PDZK1IP1: variants seen among roughly 807,000 people sequenced by gnomAD.
PDZK1IP1 encodes PDZK1-interacting protein 1.
Under a neutral mutation model 14.7 loss-of-function variants are expected in PDZK1IP1, and 9 were observed. The observed-to-expected ratio is 0.61, with a 90% CI of 0.37 to 1.07. The LOEUF (loss-of-function observed/expected upper bound fraction) is 1.07. PDZK1IP1 is among the 50% of genes least tolerant of loss of function. The pLI, the probability that PDZK1IP1 is intolerant of heterozygous loss-of-function variation, is 0.01. For synonymous variants in PDZK1IP1, 70 were observed against 61.2 expected (o/e 1.14, Z -0.67); for missense variants, 152 against 148.7 (o/e 1.02, Z -0.11).
At chr1:47,185,610 T>A (rs2148572688) in intron 2 of PDZK1IP1, among the ~76,000 whole-genome samples, 1 of 152,290 alleles carries the variant, frequency 6.6e-6, no homozygotes, top group Non-Finnish European at 1.5e-5. Context: ...CCCGAACACC[T>A]GCTCATTTCC....
chr1:47,184,854 G>T, intron 3 of PDZK1IP1, 148 bp downstream of exon 3: 1 of 666,348 alleles, frequency 1.5e-6, no homozygotes, highest in Non-Finnish European at 2.7e-6. Flanking sequence ...ACAGAGCCCT[G>T]CAATCCTCAC....
chr1:47,184,570 C>A (rs1238070140), intron 3 of PDZK1IP1, among the ~76,000 whole-genome samples: 3 of 24,054 alleles, frequency 1.2e-4, no homozygotes, highest in East Asian at 1.1e-3. Context: ...TGAGTCCATA[C>A]CCCACTGAGT....
Position 47,187,267 on chromosome 1 carries a change from C to T in PDZK1IP1, c.176+52G>A. ...CTTCTCACTGCTACTAGAGCAAGAGCAGTGGTCCTGGGCCCACCCTGCCTG... is the reference window on the plus strand; with the variant it reads ...CTTCTCACTGCTACTAGAGCAAGAGTAGTGGTCCTGGGCCCACCCTGCCTG... On this transcript the variant is annotated intron_variant, in intron 2 of 3. Coordinates refer to ENST00000294338, the MANE Select transcript of PDZK1IP1 (RefSeq NM_005764.4). The T allele has an allele frequency of 3.2e-6, 4 of 1,240,824 alleles. No individual in the cohort carries two copies. In the East Asian group the frequency reaches 7.0e-5, roughly 22 times the overall value. The allele number at this position is 1,240,824 out of a possible 1,614,324, so 76.9% of individuals were successfully genotyped here.
In PDZK1IP1 at chr1:47,183,612, T is replaced by A; in HGVS notation, c.*359A>T. 4.0e-6 allele frequency: 1 copy of A among 249,922 alleles called. No individual in the cohort carries two copies. 15.5% of individuals were successfully genotyped at this position (249,922 alleles called of 1,614,324 possible). On this transcript the variant is annotated 3_prime_UTR_variant, in exon 4 of 4. Transcript: ENST00000294338. ...ACTCACTGGAAGCCTGAGGGGCTGTTGCTGAGCCTCAGCCCCAGAAATACA... is the reference window on the plus strand; with the variant it reads ...ACTCACTGGAAGCCTGAGGGGCTGTAGCTGAGCCTCAGCCCCAGAAATACA...
intron 2 of PDZK1IP1, 90 bp downstream of exon 2, chr1:47,187,229 G>T: frequency 1.2e-6 from 1 of 869,318 alleles, no homozygotes; most frequent in Non-Finnish European, 1.9e-6. Flanking sequence ...TTGGACACAG[G>T]GTTTCTGAGG....
Position 47,184,983 on chromosome 1 carries a change from G to C in PDZK1IP1, c.272+19C>G, listed in dbSNP as rs1557660769. On this transcript the variant is annotated intron_variant, in intron 3 of 3. Transcript: ENST00000294338. ...AGGCCCTGGGAGCACAGACCGGGCA[G>C]CCCTGCCCTGCACCTCACCTGAAAC... The C allele has an allele frequency of 6.3e-7, 1 of 1,593,594 alleles. No homozygotes were observed. Among genetic ancestry groups the C allele is most frequent in the Non-Finnish European group, 8.6e-7 (1 of 1,162,018 alleles).
chr1:47,184,584 T>C (rs1391983754), intron 3 of PDZK1IP1, among the ~76,000 whole-genome samples: 4 of 17,166 alleles, frequency 2.3e-4, no homozygotes, highest in South Asian at 2.5e-3. Flanking sequence ...ACTGAGTCCA[T>C]ACCCCACTGA....
intron 3 of PDZK1IP1, among the ~76,000 whole-genome samples, chr1:47,184,279 T>C (rs1645302439): frequency 1.3e-5 from 2 of 150,948 alleles, no homozygotes; most frequent in East Asian, 2.0e-4. Flanking sequence ...TGGGTCCTAC[T>C]GAGCCCATCC....
In PDZK1IP1 at chr1:47,189,878, T is replaced by G; in HGVS notation, c.55A>C (p.Ser19Arg). ...CCTCCTGAGCTACCTTGCTGACAGC[T>G]GGCAGGTGGCACTGCCGTGAGCAGG... ...LGLLTAVPPASCQQGLGNLQP... is the reference protein window; with the variant it reads ...LGLLTAVPPARCQQGLGNLQP... The change falls in exon 1 of 4, where the codon AGC becomes CGC. Residue 19 changes from serine to arginine, a missense_variant. Physicochemically the swap from Ser to Arg is moderately radical, Grantham distance 110. Coordinates refer to ENST00000294338, the MANE Select transcript of PDZK1IP1 (RefSeq NM_005764.4). 3.1e-6 allele frequency: 5 copies of G among 1,596,202 alleles called. No individual in the cohort carries two copies. Among genetic ancestry groups the G allele is most frequent in the Non-Finnish European group, 4.2e-6 (5 of 1,178,230 alleles).
chr1:47,189,450 G>T (rs936739780), intron 1 of PDZK1IP1, among the ~76,000 whole-genome samples: 1 of 152,194 alleles, frequency 6.6e-6, no homozygotes, highest in African/African-American at 2.4e-5. Context: ...GGACGAAGAG[G>T]TCAGATATTT....
rs778992931 is a variant in PDZK1IP1 at position 47,184,042 on chromosome 1, A to G, written c.274T>C (p.Ser92Pro). 53 of 1,586,206 alleles carry G rather than the reference A, an allele frequency of 3.3e-5. No homozygotes were observed. The highest frequency in any genetic ancestry group is 4.3e-5 in the Non-Finnish European group (50 of 1,164,444). ...TCATAGGCATTCTCATGCTCACTGGACCTGAAAGAAGAAGGCATGGGCCTG... is the reference window on the plus strand; with the variant it reads ...TCATAGGCATTCTCATGCTCACTGGGCCTGAAAGAAGAAGGCATGGGCCTG... ...RYSSMAASFR[S>P]SEHENAYENV... The change falls in exon 4 of 4, where the codon TCC (serine) becomes CCC (proline). Residue 92 changes from serine (S) to proline (P), a missense_variant and splice_region_variant. Coordinates refer to ENST00000294338, the MANE Select transcript of PDZK1IP1 (RefSeq NM_005764.4).
rs369863925 is a variant in PDZK1IP1, at chr1:47,189,965, G to A, written c.-33C>T. ...GCAGCTCCTAGCCTTGCTTCTGGCC[G>A]CCGGTGTCTGGGCTCCTGGAGCTGC... On this transcript the variant is annotated 5_prime_UTR_variant, in exon 1 of 4. Coordinates refer to ENST00000294338, the MANE Select transcript of PDZK1IP1 (RefSeq NM_005764.4). 46 of 1,532,796 alleles carry A rather than the reference G, an allele frequency of 3.0e-5. No homozygotes were observed. Among genetic ancestry groups the A allele is most frequent in the East Asian group, 9.2e-5 (4 of 43,364 alleles). The allele number at this position is 1,532,796 out of a possible 1,614,324, so 94.9% of individuals were successfully genotyped here. A position where few individuals can be genotyped will look rare whatever the true frequency, so the allele number is the denominator to read the frequency against.
intron 3 of PDZK1IP1, 79 bp downstream of exon 3, chr1:47,184,923 C>T: frequency 1.7e-6 from 2 of 1,183,572 alleles, no homozygotes; most frequent in East Asian, 2.3e-5. Flanking sequence ...CCCCAGCCAC[C>T]TCCCCCCAGC....
intron 2 of PDZK1IP1, among the ~76,000 whole-genome samples, chr1:47,186,852 G>A (rs940468854): frequency 2.0e-5 from 3 of 152,178 alleles, no homozygotes; most frequent in Non-Finnish European, 2.9e-5. Flanking sequence ...CTCTCCCTCA[G>A]CAGCAACTCT....
At chr1:47,187,201 TGAGCCTC>T in intron 2 of PDZK1IP1, 111 bp downstream of exon 2, 5 of 81,126 alleles carry the variant, frequency 6.2e-5, no homozygotes, top group Non-Finnish European at 1.7e-4. Context: ...TCCCTTCCCT[TGAGCCTC>T]AGGGGGAGGA....
Position 47,189,921 on chromosome 1 carries a change from GA to G in PDZK1IP1, c.11del (p.Leu4ProfsTer61). ...TGAGCAGGCCCAGAATGAGGAGGCT[GA>G]GGGCCGACATGGCTGCAGCAGCTCC... is the stretch of plus-strand genomic sequence containing the variant. MSA[L>X]SLLILGLLTA... On this transcript the variant is annotated frameshift_variant, in exon 1 of 4. Transcript: ENST00000294338. LOFTEE classifies it high-confidence loss of function. 6.3e-7 allele frequency: 1 copy of G among 1,594,612 alleles called. No homozygotes were observed.
In PDZK1IP1 at chr1:47,183,764, C is replaced by CA; in HGVS notation, c.*206dup. ...CTCTTCTGAGCTGAGCAGGAGACCC[C>CA]AGGGCCACAGCCGAGCCCCAACCTA... On this transcript the variant is annotated 3_prime_UTR_variant, in exon 4 of 4. Transcript: ENST00000294338. The CA allele has an allele frequency of 1.6e-6, 1 of 607,814 alleles. No individual in the cohort carries two copies. Among genetic ancestry groups the CA allele is most frequent in the East Asian group, 2.7e-5 (1 of 36,394 alleles). 37.7% of individuals were successfully genotyped at this position (607,814 alleles called of 1,614,324 possible).
chr1:47,189,737 C>T (rs1383418122), intron 1 of PDZK1IP1, 129 bp downstream of exon 1: 2 of 614,214 alleles, frequency 3.3e-6, no homozygotes, highest in African/African-American at 1.9e-5. Flanking sequence ...TGCCTTGGGA[C>T]ATTCTTTCAG....
At chr1:47,184,902 G>A in intron 3 of PDZK1IP1, 100 bp downstream of exon 3, 1 of 922,944 alleles carries the variant, frequency 1.1e-6, no homozygotes, top group Non-Finnish European at 1.8e-6. Flanking sequence ...GCCCACATGA[G>A]TCTCCGTCCT....
Sources: allele counts gnomAD v4.1 joint callset (sites outside exome capture counted in the v4.1 genomes callset), GRCh38; gene constraint gnomAD v4.1.1; transcripts MANE v1.5; gene names NCBI Gene and HGNC (gene_info 2026-07-23, HGNC 2026-07-21).